The following ADAMTS19 variants were observed in gnomAD, a reference collection of about 807,000 sequenced individuals.
The protein encoded by ADAMTS19 is ADAM metallopeptidase with thrombospondin type 1 motif 19.
In ADAMTS19, 93 loss-of-function variants were observed where a neutral mutation model predicts 153.3. The observed-to-expected ratio is 0.61, with a 90% CI of 0.51 to 0.72. ADAMTS19 has a LOEUF of 0.72. Ranked by LOEUF, ADAMTS19 falls within the 30% of genes least tolerant of loss-of-function variation. ADAMTS19 has a pLI of 0.00. For missense variants in ADAMTS19, 1,482 were observed against 1,552.1 expected (o/e 0.95, Z 0.76); for synonymous variants, 600 against 556.6 (o/e 1.08, Z -1.10).
At chr5:129,528,444 GTTA>G (rs1418246669) in intron 5 of ADAMTS19, 73 bp from the exon 6 acceptor site, 2 of 1,217,202 alleles carry the variant, frequency 1.6e-6, no homozygotes, top group Admixed American at 3.0e-5. Context: ...GAGTGCCTTT[GTTA>G]TTGTTGTTGT....
At chr5:129,510,636 T>C (rs1231121713) in intron 3 of ADAMTS19, among the ~76,000 whole-genome samples, 1 of 151,908 alleles carries the variant, frequency 6.6e-6, no homozygotes, top group Non-Finnish European at 1.5e-5. Context: ...TTTAAGGAGA[T>C]TGCTTTGTAC....
At chr5:129,594,475 T>G (rs1750282269) in intron 7 of ADAMTS19, among the ~76,000 whole-genome samples, 1 of 152,156 alleles carries the variant, frequency 6.6e-6, no homozygotes, top group Non-Finnish European at 1.5e-5. Flanking sequence ...TGAGCTTAAT[T>G]TAGTATTTTG....
intron 1 of ADAMTS19, 97 bp downstream of exon 1, chr5:129,460,579 G>C (rs1561524317): frequency 2.2e-6 from 3 of 1,369,968 alleles, no homozygotes; most frequent in Non-Finnish European, 3.1e-6. Flanking sequence ...GGTGCGTGGA[G>C]AGCAGGGCTC....
intron 2 of ADAMTS19, among the ~76,000 whole-genome samples, chr5:129,505,007 T>C (rs919052479): frequency 6.6e-5 from 10 of 151,906 alleles, no homozygotes. Flanking sequence ...GATCTCTCTT[T>C]GACATACTGA....
intron 16 of ADAMTS19, among the ~76,000 whole-genome samples, chr5:129,670,276 G>T (rs1023287157): frequency 6.6e-5 from 10 of 152,010 alleles, no homozygotes; most frequent in Non-Finnish European, 1.5e-4. Context: ...AAGGCATTTT[G>T]TTCTTTTGTC....
At chr5:129,728,476 T>C (rs1003168473) in intron 21 of ADAMTS19, among the ~76,000 whole-genome samples, 2 of 152,078 alleles carry the variant, frequency 1.3e-5, no homozygotes, top group African/African-American at 4.8e-5. Context: ...ATTTCCTTTA[T>C]CTTCTTAATT....
chr5:129,538,870 G>C (rs1239557824), intron 6 of ADAMTS19, among the ~76,000 whole-genome samples: 1 of 151,936 alleles, frequency 6.6e-6, no homozygotes, highest in Admixed American at 6.6e-5. Context: ...TAAATATATT[G>C]TCATATTATA....
intron 2 of ADAMTS19, among the ~76,000 whole-genome samples, chr5:129,484,832 T>C (rs892347587): frequency 1.3e-5 from 2 of 152,150 alleles, no homozygotes; most frequent in African/African-American, 4.8e-5. Flanking sequence ...CATCAAATTG[T>C]TCTTCATGGT....
In ADAMTS19 at chr5:129,550,009, T is replaced by G. The variant is rs187363397; in HGVS notation, c.1329-1855T>G. Among the ~76,000 whole-genome samples the G allele has an allele frequency of 2.6e-3, 361 of 138,142 alleles. 2 individuals carry two copies. The highest frequency in any genetic ancestry group is 5.8e-3 in the African/African-American group (222 of 38,058). 90.6% of individuals were successfully genotyped at this position (138,142 alleles called of 152,430 possible). A position where few individuals can be genotyped will look rare whatever the true frequency, so the allele number is the denominator to read the frequency against. The stretch of plus-strand genomic sequence containing the variant: ...ATCTGTATATGTATCTAGATATACA[T>G]ATACATGTATATGTATATCTAGATA... On this transcript the variant is annotated intron_variant, in intron 6 of 22. Coordinates refer to ENST00000274487, the MANE Select transcript of ADAMTS19 (RefSeq NM_133638.6).
At chr5:129,675,353 C>T (rs1376571925) in intron 16 of ADAMTS19, among the ~76,000 whole-genome samples, 1 of 152,144 alleles carries the variant, frequency 6.6e-6, no homozygotes, top group Non-Finnish European at 1.5e-5. Context: ...TATGCCCCCA[C>T]CCGTATTTCT....
At chr5:129,713,785 AT>A in intron 21 of ADAMTS19, among the ~76,000 whole-genome samples, 1 of 150,542 alleles carries the variant, frequency 6.6e-6, no homozygotes, top group East Asian at 2.0e-4. Context: ...AATTAACAAA[AT>A]GTTTTTAACA....
chr5:129,647,869 C>A lies in ADAMTS19; in HGVS notation c.1977C>A (p.Ile659=), dbSNP rs1753137263. ...SPCSRTCSAG[I]SSRERKCPGL... is the part of the protein sequence containing the mutation. Reference sequence around the variant, plus strand: ...GTAGCCGAACCTGCAGTGCTGGGATCAGCAGTCGAGAGCGCAAATGTCCTG... The same window carrying A: ...GTAGCCGAACCTGCAGTGCTGGGATAAGCAGTCGAGAGCGCAAATGTCCTG... The change falls in exon 12 of 23, where the codon ATC becomes ATA. Residue 659 remains isoleucine (I), a synonymous_variant. Coordinates refer to ENST00000274487, the MANE Select transcript of ADAMTS19 (RefSeq NM_133638.6). The A allele has an allele frequency of 1.2e-6, 2 of 1,613,688 alleles. No individual in the cohort carries two copies. Among genetic ancestry groups the A allele is most frequent in the South Asian group, 1.1e-5 (1 of 91,054 alleles).
At chr5:129,692,354 C>G (rs963090943) in intron 18 of ADAMTS19, among the ~76,000 whole-genome samples, 1 of 151,974 alleles carries the variant, frequency 6.6e-6, no homozygotes, top group Non-Finnish European at 1.5e-5. Flanking sequence ...AAAAAAAGAG[C>G]ATAATGTCAT....
intron 22 of ADAMTS19, among the ~76,000 whole-genome samples, chr5:129,736,518 T>G (rs1349148523): frequency 6.6e-6 from 1 of 152,084 alleles, no homozygotes; most frequent in African/African-American, 2.4e-5. Flanking sequence ...ACTATTGCTG[T>G]AAATCTCAGT....
rs762566028 is a variant in ADAMTS19, at chr5:129,526,476, C to T, written c.1086+20C>T. ...AATATGGTAGGCAAACTTTAAAGTG[C>T]GCTTGGAATTTTTTCAAGAAAACTC... On this transcript the variant is annotated intron_variant, in intron 4 of 22. Coordinates refer to ENST00000274487, the MANE Select transcript of ADAMTS19 (RefSeq NM_133638.6). 2.6e-5 allele frequency: 40 copies of T among 1,567,928 alleles called. No individual in the cohort carries two copies. Among genetic ancestry groups the T allele is most frequent in the Admixed American group, 8.3e-5 (4 of 48,226 alleles).
chr5:129,613,899 T>C (rs1357308616), intron 8 of ADAMTS19, among the ~76,000 whole-genome samples: 2 of 152,132 alleles, frequency 1.3e-5, no homozygotes, highest in Non-Finnish European at 2.9e-5. Flanking sequence ...CAGAGAATAC[T>C]ATAAACACCT....
intron 2 of ADAMTS19, among the ~76,000 whole-genome samples, chr5:129,503,758 G>A (rs975995387): frequency 3.9e-5 from 6 of 152,048 alleles, no homozygotes; most frequent in Non-Finnish European, 8.8e-5. Context: ...AACCCAGGAG[G>A]CGGAGGTTCC....
At chr5:129,562,582 A>G (rs192179075) in intron 7 of ADAMTS19, among the ~76,000 whole-genome samples, 4 of 152,344 alleles carry the variant, frequency 2.6e-5, no homozygotes, top group South Asian at 2.1e-4. Context: ...CAATTCTGCC[A>G]TAAGCTGAGA....
intron 2 of ADAMTS19, among the ~76,000 whole-genome samples, chr5:129,499,275 A>G (rs1751024411): frequency 1.3e-5 from 2 of 152,092 alleles, no homozygotes; most frequent in Non-Finnish European, 2.9e-5. Context: ...CAAAAATTAG[A>G]ATATACAATG....
Sources: gnomAD v4.1 joint callset for allele counts (sites outside exome capture counted in the v4.1 genomes callset) on GRCh38, gnomAD v4.1.1 for gene constraint, MANE v1.5 for transcripts, NCBI Gene and HGNC (gene_info 2026-07-23, HGNC 2026-07-21) for gene names.